The following NR3C1 variants were observed in gnomAD, a reference collection of about 807,000 sequenced individuals.
NR3C1 encodes glucocorticoid receptor.
NR3C1 carries 14 observed loss-of-function variants against 74.0 expected under a neutral mutation model. That is an observed-to-expected ratio of 0.19 (90% CI 0.12 to 0.30). The LOEUF is 0.30. Ranked by LOEUF, NR3C1 falls within the 10% of genes least tolerant of loss-of-function variation. The pLI, the probability that NR3C1 is intolerant of heterozygous loss-of-function variation, is 1.00. For synonymous variants in NR3C1, 308 were observed against 332.5 expected (o/e 0.93, Z 0.80); for missense variants, 695 against 909.8 (o/e 0.76, Z 3.04).
intron 2 of NR3C1, among the ~76,000 whole-genome samples, chr5:143,386,509 A>G (rs1300184403): frequency 6.6e-6 from 1 of 152,182 alleles, no homozygotes; most frequent in African/African-American, 2.4e-5. Context: ...AAAGGGGTAT[A>G]AGATAATCCC....
chr5:143,298,922 CT>C, intron 5 of NR3C1, 110 bp from the exon 6 acceptor site: 1 of 1,094,882 alleles, frequency 9.1e-7, no homozygotes. Flanking sequence ...AAGGGCACCC[CT>C]AACAGAAAAT....
chr5:143,405,297 A>G (rs959777968), upstream of NR3C1: 2 of 985,572 alleles, frequency 2.0e-6, no homozygotes, highest in African/African-American at 3.5e-5. Flanking sequence ...GCTCCACCTA[A>G]TCCTGCTCGG....
At chr5:143,374,705 G>A (rs571183191) in intron 2 of NR3C1, among the ~76,000 whole-genome samples, 7 of 152,192 alleles carry the variant, frequency 4.6e-5, no homozygotes, top group African/African-American at 1.7e-4. Context: ...AAAACAGTGA[G>A]TCAAAAAGAC....
intron 1 of NR3C1, among the ~76,000 whole-genome samples, chr5:143,433,468 A>AATTTATT (rs1600696263): frequency 5.2e-5 from 2 of 38,338 alleles, no homozygotes; most frequent in Admixed American, 3.2e-4. Context: ...ATATATATAT[A>AATTTATT]TATTTAATTT....
chr5:143,422,645 C>T (rs891868194), intron 1 of NR3C1, among the ~76,000 whole-genome samples: 1 of 152,138 alleles, frequency 6.6e-6, no homozygotes, highest in African/African-American at 2.4e-5. Context: ...GAGAAGATGG[C>T]TGTCCATTTG....
chr5:143,407,835 T>A (rs142661610), upstream of NR3C1, among the ~76,000 whole-genome samples: 2 of 152,326 alleles, frequency 1.3e-5, no homozygotes, highest in African/African-American at 4.8e-5. Flanking sequence ...AATCAGGCTG[T>A]GCTCCTTCTC....
intron 1 of NR3C1, among the ~76,000 whole-genome samples, chr5:143,428,288 AG>A (rs1751637803): frequency 6.6e-6 from 1 of 152,192 alleles, no homozygotes; most frequent in Non-Finnish European, 1.5e-5. Flanking sequence ...TTTCCTTAAG[AG>A]GAGATTCTAC....
Position 143,281,654 on chromosome 5 carries a change from A to G in NR3C1, c.*235T>C, listed in dbSNP as rs1184954820. On this transcript the variant is annotated 3_prime_UTR_variant, in exon 9 of 9. Transcript: ENST00000394464. ...AGGTTTCTAATTTCTGGGATATATT[A>G]ACTAATAAATTTCACCATCTACTCT... 1 of 476,692 alleles carries G rather than the reference A, an allele frequency of 2.1e-6. No individual in the cohort carries two copies. The highest frequency in any genetic ancestry group is 2.0e-5 in the African/African-American group (1 of 51,074). The allele number at this position is 476,692 out of a possible 1,614,324, so 29.5% of individuals were successfully genotyped here.
chr5:143,347,471 C>A (rs532572718), intron 2 of NR3C1, among the ~76,000 whole-genome samples: 1 of 152,286 alleles, frequency 6.6e-6, no homozygotes, highest in Non-Finnish European at 1.5e-5. Flanking sequence ...GAATTAAAGG[C>A]CCCCTTCCTC....
chr5:143,307,645 T>C (rs150694642), intron 4 of NR3C1, among the ~76,000 whole-genome samples: 1 of 152,122 alleles, frequency 6.6e-6, no homozygotes, highest in Non-Finnish European at 1.5e-5. Flanking sequence ...CAAAACCTAT[T>C]TCGAAATATA....
intron 7 of NR3C1, among the ~76,000 whole-genome samples, chr5:143,293,114 A>T (rs1237795525): frequency 6.6e-6 from 1 of 152,200 alleles, no homozygotes; most frequent in African/African-American, 2.4e-5. Context: ...CTTACTAAAT[A>T]TACAGAACCA....
chr5:143,305,827 C>T (rs918759372), intron 4 of NR3C1, among the ~76,000 whole-genome samples: 7 of 152,056 alleles, frequency 4.6e-5, no homozygotes, highest in African/African-American at 1.5e-4. Context: ...CTCCAAACAC[C>T]GGCATCACAC....
At chr5:143,435,299 A>T in exon 1 of NR3C1, 1 of 985,232 alleles carries the variant, frequency 1.0e-6, no homozygotes, top group South Asian at 4.7e-5. Context: ...AAGATTTCTG[A>T]CCTTCTAAGG....
intron 2 of NR3C1, among the ~76,000 whole-genome samples, chr5:143,394,895 C>T (rs1274684532): frequency 1.3e-5 from 2 of 151,824 alleles, no homozygotes; most frequent in African/African-American, 2.4e-5. Context: ...TATAGCATCC[C>T]ACATCTCTGT....
chr5:143,282,442 G>T, intron 8 of NR3C1, 126 bp downstream of exon 8: 3 of 993,700 alleles, frequency 3.0e-6, no homozygotes, highest in Non-Finnish European at 4.3e-6. Flanking sequence ...TTGAACTCAA[G>T]CTATCACCAA....
At chr5:143,381,591 C>G (rs1040974246) in intron 2 of NR3C1, among the ~76,000 whole-genome samples, 4 of 152,090 alleles carry the variant, frequency 2.6e-5, no homozygotes, top group African/African-American at 7.2e-5. Flanking sequence ...AGCATAAAAA[C>G]AGATACACAG....
chr5:143,300,717 T>A lies in NR3C1; in HGVS notation c.1515A>T (p.Thr505=), dbSNP rs61753494. ...KKIKGIQQAT[T]GVSQETSENP... ...TTTCAGAGGTTTCTTGTGAGACTCC[T>A]GTAGTGGCCTGCTGAATTCCTTTTA... The change falls in exon 5 of 9, where the codon ACA becomes ACT. Residue 505 remains threonine, a synonymous_variant. Transcript: ENST00000394464. The surrounding 1 kb of genome is among the most constrained non-coding windows in gnomAD (Gnocchi z 5.2). The A allele has an allele frequency of 6.2e-7, 1 of 1,614,030 alleles. No individual in the cohort carries two copies. The highest frequency in any genetic ancestry group is 2.2e-5 in the East Asian group (1 of 44,900).
intron 1 of NR3C1, chr5:143,408,939 AG>A (rs1476859091): frequency 6.6e-6 from 1 of 152,196 alleles, no homozygotes; most frequent in Non-Finnish European, 1.5e-5. Context: ...GGAAGGCTAT[AG>A]GGCATCTTTC....
chr5:143,336,697 C>G (rs375221712), intron 2 of NR3C1, among the ~76,000 whole-genome samples: 1 of 152,062 alleles, frequency 6.6e-6, no homozygotes, highest in African/African-American at 2.4e-5. Flanking sequence ...CCAGGCCAGG[C>G]GCGGTAGCTC....
Sources: gnomAD v4.1 joint callset for allele counts (sites outside exome capture counted in the v4.1 genomes callset) on GRCh38, gnomAD v4.1.1 for gene constraint, Gnocchi (gnomAD v3.1) non-coding constraint, MANE v1.5 for transcripts, NCBI Gene and HGNC (gene_info 2026-07-23, HGNC 2026-07-21) for gene names.